GRM8: variants seen among roughly 807,000 people sequenced by gnomAD.
GRM8 encodes metabotropic glutamate receptor 8.
GRM8 carries 47 observed loss-of-function variants against 87.2 expected under a neutral mutation model. The observed-to-expected ratio is 0.54, with a 90% CI of 0.43 to 0.69. GRM8 has a LOEUF of 0.69. GRM8 is among the 30% of genes least tolerant of loss of function. The pLI is 0.00. For synonymous variants in GRM8, 396 were observed against 404.5 expected (o/e 0.98, Z 0.25); for missense variants, 1,019 against 1,139.2 (o/e 0.89, Z 1.52).
At chr7:126,711,673 C>T (rs1811106465) in intron 7 of GRM8, among the ~76,000 whole-genome samples, 1 of 152,236 alleles carries the variant, frequency 6.6e-6, no homozygotes, top group South Asian at 2.1e-4. Context: ...TTGACCTACA[C>T]TGAAAATCTG....
rs982691870 is a variant in GRM8, at chr7:126,476,871, A to G, written c.2431-30499T>C. The stretch of plus-strand genomic sequence containing the variant: ...AAAAATAAAAAAAAAACTGCCATAC[A>G]ATCTAGCACTTTGGGTATATATCTA... On this transcript the variant is annotated intron_variant, in intron 9 of 10. Transcript: ENST00000339582. Among the ~76,000 whole-genome samples, 3 of 152,178 alleles carry G rather than the reference A, an allele frequency of 2.0e-5. No homozygotes were observed. In the East Asian group the frequency reaches 5.8e-4, roughly 29 times the overall value.
At chr7:126,835,023 C>T (rs1795713510) in intron 6 of GRM8, among the ~76,000 whole-genome samples, 1 of 150,904 alleles carries the variant, frequency 6.6e-6, no homozygotes, top group African/African-American at 2.4e-5. Flanking sequence ...CTTCAGTGAG[C>T]CATGCTTGCA....
chr7:126,730,529 T>C (rs1813474812), intron 7 of GRM8, among the ~76,000 whole-genome samples: 1 of 152,108 alleles, frequency 6.6e-6, no homozygotes, highest in Admixed American at 6.6e-5. Flanking sequence ...GACCAGGAAA[T>C]TAAGAATATT....
chr7:126,884,399 A>T (rs1033408138), intron 6 of GRM8, among the ~76,000 whole-genome samples: 1 of 152,202 alleles, frequency 6.6e-6, no homozygotes, highest in African/African-American at 2.4e-5. Context: ...GCAAACAGCC[A>T]CATATTTTTT....
intron 9 of GRM8, among the ~76,000 whole-genome samples, chr7:126,510,087 T>A (rs728227): frequency 0.2 from 29,655 of 151,966 alleles, 3,402 homozygotes; most frequent in Non-Finnish European, 0.24. Context: ...GGGAAGGATA[T>A]GAATGAGGTA....
At chr7:126,800,886 GTAT>G (rs979167788) in intron 6 of GRM8, among the ~76,000 whole-genome samples, 2 of 152,008 alleles carry the variant, frequency 1.3e-5, no homozygotes, top group African/African-American at 4.8e-5. Context: ...TTAAAGCCAT[GTAT>G]TATTAGTACT....
intron 7 of GRM8, among the ~76,000 whole-genome samples, chr7:126,652,758 G>A (rs1355017645): frequency 6.6e-6 from 1 of 152,100 alleles, no homozygotes; most frequent in Non-Finnish European, 1.5e-5. Flanking sequence ...TTGATTGTGT[G>A]AGTTAATTCC....
chr7:126,502,939 ACT>A (rs1465420339), intron 9 of GRM8, among the ~76,000 whole-genome samples: 2 of 151,762 alleles, frequency 1.3e-5, no homozygotes, highest in African/African-American at 4.8e-5. Context: ...TTAAGCAAAG[ACT>A]CTTCCTGGAT....
chr7:127,211,241 T>C (rs1488810566), intron 2 of GRM8, among the ~76,000 whole-genome samples: 1 of 152,146 alleles, frequency 6.6e-6, no homozygotes, highest in Non-Finnish European at 1.5e-5. Flanking sequence ...CAGCCTTCAG[T>C]ATGTGGTCAA....
intron 2 of GRM8, among the ~76,000 whole-genome samples, chr7:127,145,163 T>C (rs781324008): frequency 2.6e-5 from 4 of 152,144 alleles, no homozygotes; most frequent in Non-Finnish European, 5.9e-5. Flanking sequence ...TTCTCAACTG[T>C]AAACAGCCTG....
intron 7 of GRM8, among the ~76,000 whole-genome samples, chr7:126,651,751 T>G (rs1803900732): frequency 2.0e-5 from 3 of 152,146 alleles, no homozygotes; most frequent in Admixed American, 2.0e-4. Context: ...ACTATCAAGA[T>G]GAAATCAGTC....
At chr7:127,142,150 A>T (rs924857607) in intron 2 of GRM8, among the ~76,000 whole-genome samples, 182 of 151,832 alleles carry the variant, frequency 1.2e-3, no homozygotes, top group African/African-American at 4.1e-3. Context: ...ATATTTTTTT[A>T]AAAATTTTGT....
At chr7:127,019,889 T>C (rs373920331) in intron 3 of GRM8, among the ~76,000 whole-genome samples, 12 of 151,594 alleles carry the variant, frequency 7.9e-5, no homozygotes, top group African/African-American at 2.4e-4. Context: ...CACAAAGGCC[T>C]ATCTACACCA....
At chr7:126,563,923 G>T (rs971196187) in intron 8 of GRM8, among the ~76,000 whole-genome samples, 3 of 152,196 alleles carry the variant, frequency 2.0e-5, no homozygotes, top group African/African-American at 7.2e-5. Context: ...AATTTCTAAA[G>T]GCTGCAGAAT....
At chr7:126,841,821 A>G (rs1354374322) in intron 6 of GRM8, among the ~76,000 whole-genome samples, 1 of 151,724 alleles carries the variant, frequency 6.6e-6, no homozygotes, top group Non-Finnish European at 1.5e-5. Flanking sequence ...TTTAGTGGAG[A>G]TGGGGTTTCA....
rs572347454 is a variant in GRM8 at position 126,482,110 on chromosome 7, C to T, written c.2431-35738G>A. On this transcript the variant is annotated intron_variant, in intron 9 of 10. Transcript: ENST00000339582. Reference sequence around the variant, plus strand: ...GCAAATCATAAGTATGAGACACCACCTGATACCCATTAGGATGGCTACTAC... The same window carrying T: ...GCAAATCATAAGTATGAGACACCACTTGATACCCATTAGGATGGCTACTAC... Among the ~76,000 whole-genome samples the T allele has an allele frequency of 3.3e-5, 5 of 152,110 alleles. No homozygotes were observed. In the East Asian group the frequency reaches 9.7e-4, roughly 29 times the overall value.
At chr7:126,753,377 C>T (rs1349983785) in intron 7 of GRM8, among the ~76,000 whole-genome samples, 1 of 129,222 alleles carries the variant, frequency 7.7e-6, no homozygotes, top group African/African-American at 2.7e-5. Flanking sequence ...TATACGCACG[C>T]ACACACAGGC....
At chr7:126,723,272 GA>G (rs1300163418) in intron 7 of GRM8, among the ~76,000 whole-genome samples, 1 of 151,890 alleles carries the variant, frequency 6.6e-6, no homozygotes, top group Non-Finnish European at 1.5e-5. Flanking sequence ...CCTCCTTCAT[GA>G]GACCTCTTAC....
chr7:126,901,479 C>A (rs1265751575), intron 6 of GRM8, among the ~76,000 whole-genome samples: 1 of 152,224 alleles, frequency 6.6e-6, no homozygotes, highest in African/African-American at 2.4e-5. Flanking sequence ...TTCACTCAAC[C>A]CAGCTCCTGG....
Sources: allele counts gnomAD v4.1 joint callset (sites outside exome capture counted in the v4.1 genomes callset), GRCh38; gene constraint gnomAD v4.1.1; transcripts MANE v1.5; gene names NCBI Gene and HGNC (gene_info 2026-07-23, HGNC 2026-07-21).